The following SLIT2 variants were observed in gnomAD, a reference collection of about 807,000 sequenced individuals.
SLIT2 encodes the protein slit guidance ligand 2.
Under a neutral mutation model 185.7 loss-of-function variants are expected in SLIT2, and 41 were observed. The ratio of observed to expected loss-of-function variants is 0.22; its 90% CI spans 0.17 to 0.29. The LOEUF (loss-of-function observed/expected upper bound fraction) is 0.29. Among genes scored for constraint, SLIT2 ranks in the 10% least tolerant of loss-of-function variants. The pLI is 1.00. For missense variants in SLIT2, 1,571 were observed against 1,909.0 expected (o/e 0.82, Z 3.30); for synonymous variants, 693 against 680.2 (o/e 1.02, Z -0.29).
chr4:20,487,792 C>A (rs1290103208), intron 7 of SLIT2, among the ~76,000 whole-genome samples: 1 of 152,118 alleles, frequency 6.6e-6, no homozygotes, highest in East Asian at 1.9e-4. Context: ...ACTTGAAATT[C>A]CTTTGCTTTG....
At chr4:20,380,989 C>T (rs1724459624) in intron 4 of SLIT2, among the ~76,000 whole-genome samples, 1 of 152,104 alleles carries the variant, frequency 6.6e-6, no homozygotes, top group South Asian at 2.1e-4. Context: ...TGTGATGGCC[C>T]ACTCCTGTAA....
chr4:20,400,658 T>A (rs749845992), intron 4 of SLIT2, among the ~76,000 whole-genome samples: 1 of 151,466 alleles, frequency 6.6e-6, no homozygotes, highest in Non-Finnish European at 1.5e-5. Flanking sequence ...GATTGAGTTA[T>A]GGAGAAGGAA....
At chr4:20,401,742 A>G (rs1726379554) in intron 4 of SLIT2, among the ~76,000 whole-genome samples, 1 of 151,872 alleles carries the variant, frequency 6.6e-6, no homozygotes, top group South Asian at 2.1e-4. Flanking sequence ...TAAGTTACCT[A>G]ACCTCACGAT....
In SLIT2 at chr4:20,539,494, T is replaced by C; in HGVS notation, c.1886T>C (p.Leu629Pro). The stretch of plus-strand genomic sequence containing the variant: ...GTGGGGAATGACAGTTTCATAGGAC[T>C]CAGTTCTGTGCGTTTGCTTTCTTTG... ...TCVGNDSFIG[L>P]SSVRLLSLYD... The change falls in exon 19 of 37, where the codon CTC (leucine) becomes CCC (proline). Residue 629 changes from leucine (L) to proline (P), a missense_variant. Physicochemically the swap from Leu to Pro is moderately conservative, Grantham distance 98 (BLOSUM62 -3). This residue lies in a region of SLIT2 where 1,202 missense variants were observed against 1,416.4 expected (regional missense o/e 0.85). Transcript: ENST00000504154. The C allele has an allele frequency of 6.2e-7, 1 of 1,613,874 alleles. No homozygotes were observed. The highest frequency in any genetic ancestry group is 8.5e-7 in the Non-Finnish European group (1 of 1,179,840).
At chr4:20,325,485 A>G (rs1217612384) in intron 4 of SLIT2, among the ~76,000 whole-genome samples, 1 of 151,952 alleles carries the variant, frequency 6.6e-6, no homozygotes, top group Admixed American at 6.6e-5. Context: ...CCTAGGCTTA[A>G]TAAATGCCCT....
In SLIT2 at chr4:20,529,049, T is replaced by G. The variant is rs1721553752; in HGVS notation, c.1563T>G (p.Asn521Lys). ...RCEGTTVDCS[N>K]QKLNKIPEHI... ...AAGGAACCACAGTAGATTGCTCTAA[T>G]CAAAAGCTCAACAAAATCCCGGAGC... Residue 521 changes from asparagine to lysine, a missense_variant, in exon 16 of 37, where the codon AAT becomes AAG. Physicochemically the swap from Asn to Lys is moderately conservative, Grantham distance 94. Coordinates refer to ENST00000504154, the MANE Select transcript of SLIT2 (RefSeq NM_004787.4). The G allele has an allele frequency of 6.2e-7, 1 of 1,613,926 alleles. No individual in the cohort carries two copies. The highest frequency in any genetic ancestry group is 1.3e-5 in the African/African-American group (1 of 75,000).
In SLIT2 at chr4:20,268,634, G is replaced by C. The variant is rs554194012; in HGVS notation, c.324-176G>C. Among the ~76,000 whole-genome samples, 7 of 151,988 alleles carry C rather than the reference G, an allele frequency of 4.6e-5. No individual in the cohort carries two copies. The South Asian group carries it at 1.4e-3, about 31-fold the overall frequency. On this transcript the variant is annotated intron_variant, in intron 3 of 36. Transcript: ENST00000504154. ...TTAGTAAGCACAATGGAAAACTGCTGTAAAGAGTCATGTAACAAAAGGTGT... is the reference window on the plus strand; with the variant it reads ...TTAGTAAGCACAATGGAAAACTGCTCTAAAGAGTCATGTAACAAAAGGTGT...
rs991935960 is a variant in SLIT2 at position 20,254,080 on chromosome 4, C to T, written c.179+86C>T. 3 of 1,396,502 alleles carry T rather than the reference C, an allele frequency of 2.1e-6. No individual in the cohort carries two copies. The highest frequency in any genetic ancestry group is 2.9e-6 in the Non-Finnish European group (3 of 1,019,030). 86.5% of individuals were successfully genotyped at this position (1,396,502 alleles called of 1,614,324 possible). ...TGGAGGAACCTGTCAGCTCAGGGTCCTGTGCCTGGGGCAGCCCTCGCTAGC... is the reference window on the plus strand; with the variant it reads ...TGGAGGAACCTGTCAGCTCAGGGTCTTGTGCCTGGGGCAGCCCTCGCTAGC... On this transcript the variant is annotated intron_variant, in intron 1 of 36. Transcript: ENST00000504154. The surrounding 1 kb of genome is among the most constrained non-coding windows in gnomAD (Gnocchi z 5.1).
intron 18 of SLIT2, among the ~76,000 whole-genome samples, chr4:20,536,773 CTTATATT>C (rs1722334852): frequency 6.6e-6 from 1 of 151,268 alleles, no homozygotes; most frequent in South Asian, 2.1e-4. Flanking sequence ...TTTTTTTACT[CTTATATT>C]TATATAAGAA....
At chr4:20,282,727 T>C (rs1171151528) in intron 4 of SLIT2, among the ~76,000 whole-genome samples, 1 of 152,178 alleles carries the variant, frequency 6.6e-6, no homozygotes, top group Non-Finnish European at 1.5e-5. Context: ...TTTTTCAAAG[T>C]TATTTAACTA....
At chr4:20,541,765 A>G (rs1722816385) in intron 20 of SLIT2, 146 bp downstream of exon 20, 2 of 671,744 alleles carry the variant, frequency 3.0e-6, no homozygotes, top group Non-Finnish European at 5.0e-6. Context: ...TTTTAGTGCC[A>G]GGACACTTAC....
intron 19 of SLIT2, among the ~76,000 whole-genome samples, chr4:20,540,132 A>C (rs2148875577): frequency 6.6e-6 from 1 of 152,182 alleles, no homozygotes; most frequent in African/African-American, 2.4e-5. Context: ...AAAAATACAA[A>C]AAAAAATTAA....
intron 24 of SLIT2, among the ~76,000 whole-genome samples, chr4:20,549,900 G>T (rs114369399): frequency 0.043 from 6,497 of 151,978 alleles, 202 homozygotes; most frequent in South Asian, 0.12. Context: ...AAATTTTAAT[G>T]AGTACTATAC....
intron 11 of SLIT2, among the ~76,000 whole-genome samples, chr4:20,514,648 A>T (rs1212495369): frequency 1.3e-5 from 2 of 152,042 alleles, no homozygotes; most frequent in African/African-American, 4.8e-5. Context: ...CTGTCTCAAA[A>T]AAATAAATAA....
rs13353727 is a variant in SLIT2, at chr4:20,472,537, T to G, written c.467+4714T>G. Among the ~76,000 whole-genome samples, 11 of 22,056 alleles carry G rather than the reference T, an allele frequency of 5.0e-4. 3 individuals carry two copies. The Admixed American group carries it at 9.5e-3, about 19-fold the overall frequency. The allele number at this position is 22,056 out of a possible 152,430, so 14.5% of individuals were successfully genotyped here. A position where few individuals can be genotyped will look rare whatever the true frequency, so the allele number is the denominator to read the frequency against. On this transcript the variant is annotated intron_variant, in intron 5 of 36. Coordinates refer to ENST00000504154, the MANE Select transcript of SLIT2 (RefSeq NM_004787.4). ...ATAGATATATATCTATATATAGATA[T>G]ATCTATATCTATATATAGATATATA...
chr4:20,524,228 GA>G (rs1721093874), intron 14 of SLIT2, 51 bp downstream of exon 14: 2 of 1,571,922 alleles, frequency 1.3e-6, no homozygotes, highest in African/African-American at 1.4e-5. Context: ...ATGGTTACAT[GA>G]GACCTAACAA....
At chr4:20,402,065 A>C (rs1415949165) in intron 4 of SLIT2, among the ~76,000 whole-genome samples, 1 of 151,770 alleles carries the variant, frequency 6.6e-6, no homozygotes, top group Non-Finnish European at 1.5e-5. Flanking sequence ...GGACACTCTG[A>C]ACCTCTAAGA....
At chr4:20,389,192 A>T (rs1253156395) in intron 4 of SLIT2, among the ~76,000 whole-genome samples, 1 of 151,538 alleles carries the variant, frequency 6.6e-6, no homozygotes, top group Non-Finnish European at 1.5e-5. Flanking sequence ...GCCATTAGAG[A>T]TATTATCATC....
At chr4:20,444,389 TAA>T (rs200746109) in intron 4 of SLIT2, among the ~76,000 whole-genome samples, 3 of 146,574 alleles carry the variant, frequency 2.0e-5, no homozygotes, top group Non-Finnish European at 4.5e-5. Flanking sequence ...GGTTGTTTCT[TAA>T]AAAAAAAAAA....
Sources: gnomAD v4.1 joint callset for allele counts (sites outside exome capture counted in the v4.1 genomes callset) on GRCh38, gnomAD v4.1.1 for gene constraint, gnomAD v4.1.1 regional missense constraint, Gnocchi (gnomAD v3.1) non-coding constraint, MANE v1.5 for transcripts, NCBI Gene and HGNC (gene_info 2026-07-23, HGNC 2026-07-21) for gene names.